IRS2: variants seen among roughly 807,000 people sequenced by gnomAD.
The protein encoded by IRS2 is insulin receptor substrate 2.
Under a neutral mutation model 70.9 loss-of-function variants are expected in IRS2, and 28 were observed. The observed-to-expected ratio is 0.39, with a 90% confidence interval of 0.29 to 0.54. The LOEUF (loss-of-function observed/expected upper bound fraction) is 0.54. Ranked by LOEUF, IRS2 falls within the 20% of genes least tolerant of loss-of-function variation. The pLI is 0.59. For synonymous variants in IRS2, 1,217 were observed against 981.9 expected (o/e 1.24, Z -4.48); for missense variants, 2,081 against 2,024.1 (o/e 1.03, Z -0.54).
rs1366203046 is a variant in IRS2 at position 109,783,595 on chromosome 13, C to T, written c.2459G>A (p.Ser820Asn). The change falls in exon 1 of 2, where the codon AGC (serine) becomes AAC (asparagine). Residue 820 changes from serine to asparagine, a missense_variant. Ser to Asn is a conservative substitution (Grantham distance 46, BLOSUM62 1). This residue lies in a region of IRS2 where 1,615 missense variants were observed against 1,459.5 expected (regional missense o/e 1.11). Coordinates refer to ENST00000375856, the MANE Select transcript of IRS2 (RefSeq NM_003749.3). ...YKAPYTCGGD[S>N]DQYVLMSSPV... ...GGAGCTCATGAGCACGTACTGGTCGCTGTCCCCGCCACAGGTGTAGGGGGC... is the reference window on the plus strand; with the variant it reads ...GGAGCTCATGAGCACGTACTGGTCGTTGTCCCCGCCACAGGTGTAGGGGGC... The T allele has an allele frequency of 1.9e-6, 3 of 1,546,000 alleles. No homozygotes were observed. Among genetic ancestry groups the T allele is most frequent in the Middle Eastern group, 1.7e-4 (1 of 5,922 alleles).
chr13:109,760,688 C>A (rs75908536), intron 1 of IRS2, among the ~76,000 whole-genome samples: 6,444 of 152,254 alleles, frequency 0.042, 165 homozygotes, highest in Admixed American at 0.056. Context: ...CCTCCACTTA[C>A]AAGAGCAATC....
chr13:109,782,548 G>T lies in IRS2; in HGVS notation c.3506C>A (p.Pro1169His). 1 of 1,562,880 alleles carries T rather than the reference G, an allele frequency of 6.4e-7. No individual in the cohort carries two copies. Among genetic ancestry groups the T allele is most frequent in the East Asian group, 2.4e-5 (1 of 42,432 alleles). The change falls in exon 1 of 2, where the codon CCC becomes CAC. Residue 1169 changes from proline to histidine, a missense_variant. This residue lies in a region of IRS2 where 1,615 missense variants were observed against 1,459.5 expected (regional missense o/e 1.11). Transcript: ENST00000375856. ...CACGGAGGCCGAGTTGTGGCGCTTG[G>T]GGTTGTGGGCGAAGGACGGGGACAC... The part of the protein sequence containing the change: ...TPVSPSFAHN[P>H]KRHNSASVEN...
At chr13:109,759,197 C>T (rs566307000) in intron 1 of IRS2, among the ~76,000 whole-genome samples, 6 of 152,324 alleles carry the variant, frequency 3.9e-5, no homozygotes, top group East Asian at 1.9e-4. Flanking sequence ...CCGCTTTCAA[C>T]GGCCGCCTCC....
chr13:109,767,778 G>A (rs1280990915), intron 1 of IRS2, among the ~76,000 whole-genome samples: 2 of 147,524 alleles, frequency 1.4e-5, no homozygotes, highest in Non-Finnish European at 3.0e-5. Flanking sequence ...TGTTGCCCAG[G>A]CTGGAGCGCA....
intron 1 of IRS2, among the ~76,000 whole-genome samples, chr13:109,758,829 CAAAAAAA>C (rs3049004): frequency 8.7e-5 from 9 of 103,004 alleles, no homozygotes; most frequent in South Asian, 3.2e-4. Flanking sequence ...AGATGGCTGA[CAAAAAAA>C]AAAAAAAAAA....
intron 1 of IRS2, among the ~76,000 whole-genome samples, chr13:109,773,994 C>T (rs1016639136): frequency 2.6e-5 from 4 of 152,210 alleles, no homozygotes; most frequent in East Asian, 3.8e-4. Flanking sequence ...ACTAAGACTC[C>T]GGACCTCACA....
At chr13:109,766,913 T>C (rs1052930008) in intron 1 of IRS2, among the ~76,000 whole-genome samples, 10 of 152,276 alleles carry the variant, frequency 6.6e-5, no homozygotes, top group Admixed American at 3.9e-4. Flanking sequence ...AAAGTGTCTA[T>C]AAAGTTACTC....
At chr13:109,771,009 T>C (rs934062755) in intron 1 of IRS2, among the ~76,000 whole-genome samples, 6 of 152,202 alleles carry the variant, frequency 3.9e-5, no homozygotes, top group African/African-American at 1.2e-4. Flanking sequence ...GCAGTGATTA[T>C]TTCATCTCGA....
At chr13:109,768,078 A>T (rs892662262) in intron 1 of IRS2, among the ~76,000 whole-genome samples, 1 of 152,086 alleles carries the variant, frequency 6.6e-6, no homozygotes, top group East Asian at 1.9e-4. Context: ...TGTAATATTC[A>T]ATATATATGA....
intron 1 of IRS2, among the ~76,000 whole-genome samples, chr13:109,768,392 T>C (rs571203290): frequency 1.2e-4 from 19 of 152,320 alleles, no homozygotes; most frequent in Admixed American, 1.1e-3. Context: ...TAAGAGGACA[T>C]CAGGGCACCC....
At position 109,782,250 on chromosome 13, in the gene IRS2, C is replaced by T. The variant is rs774016972; in HGVS notation, c.3804G>A (p.Pro1268=). The change falls in exon 1 of 2, where the codon CCG becomes CCA. Residue 1268 remains proline (P), a synonymous_variant. Coordinates refer to ENST00000375856, the MANE Select transcript of IRS2 (RefSeq NM_003749.3). ...GAGGAAGCGGCGGCGGCGGCGGCTG[C>T]GGCTGGGGTGGCAGCCCGGGCTCCT... The part of the protein sequence containing the change: ...VREEPGLPPQ[P]QPPPPPLPQP... 2.2e-5 allele frequency: 35 copies of T among 1,605,770 alleles called. No homozygotes were observed. The East Asian group carries it at 7.4e-4, about 34-fold the overall frequency.
rs768384162 is a variant in IRS2, at chr13:109,783,434, C to T, written c.2620G>A (p.Gly874Ser). The change falls in exon 1 of 2, where the codon GGC (glycine) becomes AGC (serine). Residue 874 changes from glycine to serine, a missense_variant. By Grantham distance (56) the Gly-to-Ser change is moderately conservative (BLOSUM62 0). Around this residue, in one of 4 missense-constraint regions of IRS2, gnomAD observed 1,615 missense variants for 1,459.5 expected, o/e 1.11. Coordinates refer to ENST00000375856, the MANE Select transcript of IRS2 (RefSeq NM_003749.3). ...PVVPSPVRPS[G>S]GRPEGFLGQR... is the part of the protein sequence containing the mutation. ...CCCAAGAAGCCCTCCGGGCGGCCGC[C>T]GCTAGGCCGCACGGGCGAAGGCACT... is the stretch of plus-strand genomic sequence containing the variant. The T allele has an allele frequency of 5.3e-6, 8 of 1,517,548 alleles. No homozygotes were observed. Among genetic ancestry groups the T allele is most frequent in the Middle Eastern group, 1.9e-4 (1 of 5,354 alleles). The allele number at this position is 1,517,548 out of a possible 1,614,324, so 94.0% of individuals were successfully genotyped here.
rs370795522 is a variant in IRS2 at position 109,784,101 on chromosome 13, G to C, written c.1953C>G (p.Asp651Glu). ...CGCCGGGCGTCATGGGCATGTAGCC[G>C]TCGTCTGCCCCCAGGTTGCTGCTGG... Reference protein sequence around the residue: ...RSSSSNLGADDGYMPMTPGAA... With the variant: ...RSSSSNLGADEGYMPMTPGAA... Residue 651 changes from aspartate (D) to glutamate (E), a missense_variant, in exon 1 of 2, where the codon GAC becomes GAG. Physicochemically the swap from Asp to Glu is conservative, Grantham distance 45. This residue lies in a region of IRS2 where 1,615 missense variants were observed against 1,459.5 expected (regional missense o/e 1.11). Coordinates refer to ENST00000375856, the MANE Select transcript of IRS2 (RefSeq NM_003749.3). The surrounding 1 kb of genome is among the most constrained non-coding windows in gnomAD (Gnocchi z 5.2). 9.4e-6 allele frequency: 15 copies of C among 1,592,578 alleles called. No individual in the cohort carries two copies. The African/African-American group carries it at 1.7e-4, about 18-fold the overall frequency.
In IRS2 at chr13:109,786,182, C is replaced by T. The variant is rs865800392; in HGVS notation, c.-129G>A. On this transcript the variant is annotated 5_prime_UTR_variant, in exon 1 of 2. Transcript: ENST00000375856. This position sits in a 1 kb window ranked among gnomAD's most constrained non-coding sequence, Gnocchi z 4.4. ...GCCGCCCGCCCGATCACGCGTCCCT[C>T]GGGCCCAGGCGGTGGGGAAGGTCCG... is the stretch of plus-strand genomic sequence containing the variant. 160 of 426,776 alleles carry T rather than the reference C, an allele frequency of 3.7e-4. No individual in the cohort carries two copies. Among genetic ancestry groups the T allele is most frequent in the African/African-American group, 3.4e-3 (156 of 46,364 alleles). The allele number at this position is 426,776 out of a possible 1,614,324, so 26.4% of individuals were successfully genotyped here.
chr13:109,780,470 A>G lies in IRS2; in HGVS notation c.4012+1572T>C, dbSNP rs533033684. On this transcript the variant is annotated intron_variant, in intron 1 of 1. Transcript: ENST00000375856. ...GATGCTGAAGCACCACACTCCTGAT[A>G]ATTCTCTGTGACTCTTCATCTTCTA... is the stretch of plus-strand genomic sequence containing the variant. 6.6e-5 allele frequency among the ~76,000 whole-genome samples: 10 copies of G among 152,320 alleles called. No individual in the cohort carries two copies. In the East Asian group the frequency reaches 1.9e-3, roughly 29 times the overall value.
chr13:109,764,811 T>C (rs1877300704), intron 1 of IRS2, among the ~76,000 whole-genome samples: 3 of 152,232 alleles, frequency 2.0e-5, no homozygotes, highest in Admixed American at 6.5e-5. Context: ...AATAAACAAC[T>C]GCCGAATGCA....
chr13:109,780,446 A>G (rs1170277933), intron 1 of IRS2, among the ~76,000 whole-genome samples: 1 of 152,224 alleles, frequency 6.6e-6, no homozygotes, highest in Non-Finnish European at 1.5e-5. Context: ...ATTTAATTGG[A>G]TGCTGAAGCA....
At chr13:109,772,716 T>G (rs1594384508) in intron 1 of IRS2, among the ~76,000 whole-genome samples, 1 of 137,588 alleles carries the variant, frequency 7.3e-6, no homozygotes, top group African/African-American at 2.7e-5. Flanking sequence ...TGAGACGGAG[T>G]CTCGCTCTGT....
intron 1 of IRS2, among the ~76,000 whole-genome samples, chr13:109,781,784 T>C (rs1877709636): frequency 6.6e-6 from 1 of 151,940 alleles, no homozygotes; most frequent in Non-Finnish European, 1.5e-5. Context: ...ACAGAATGGG[T>C]GAATGGGTGG....
Sources: allele counts gnomAD v4.1 joint callset (sites outside exome capture counted in the v4.1 genomes callset), GRCh38; gene constraint gnomAD v4.1.1; regional missense constraint gnomAD v4.1.1; non-coding constraint Gnocchi (gnomAD v3.1); transcripts MANE v1.5; gene names NCBI Gene and HGNC (gene_info 2026-07-23, HGNC 2026-07-21).